Variants in TPX2 observed in about 807,000 individuals in gnomAD.
The protein encoded by TPX2 is TPX2 microtubule nucleation factor, also known as targeting protein for Xklp2.
A neutral mutation model predicts 93.6 loss-of-function variants in TPX2; 21 were observed. The observed-to-expected ratio is 0.22, with a 90% CI of 0.16 to 0.32. The LOEUF (loss-of-function observed/expected upper bound fraction) is 0.32. Among genes scored for constraint, TPX2 ranks in the 10% least tolerant of loss-of-function variants. TPX2 has a pLI of 1.00. For synonymous variants in TPX2, 281 were observed against 298.3 expected, an observed-to-expected ratio of 0.94 and a Z score of 0.60; for missense variants, 776 against 871.1, an observed-to-expected ratio of 0.89 and a Z score of 1.37.
At chr20:31,779,877 CTAATG>C (rs2062022640) in intron 10 of TPX2, among the ~76,000 whole-genome samples, 1 of 152,010 alleles carries the variant, frequency 6.6e-6, no homozygotes, top group Non-Finnish European at 1.5e-5. Flanking sequence ...TGAGCGGATT[CTAATG>C]TAATAGTTTC....
intron 15 of TPX2, among the ~76,000 whole-genome samples, chr20:31,795,203 G>A (rs1486666203): frequency 6.6e-6 from 1 of 151,950 alleles, no homozygotes; most frequent in African/African-American, 2.4e-5. Flanking sequence ...GTGCGATCTC[G>A]GCTCACTGCA....
intron 6 of TPX2, among the ~76,000 whole-genome samples, chr20:31,770,733 A>T (rs1306722329): frequency 6.6e-6 from 1 of 152,190 alleles, no homozygotes; most frequent in Non-Finnish European, 1.5e-5. Context: ...ACGGCTAATA[A>T]CAAGCTGCAT....
At chr20:31,793,775 C>T in intron 13 of TPX2, 73 bp from the exon 14 acceptor site, 4 of 1,388,182 alleles carry the variant, frequency 2.9e-6, no homozygotes, top group Non-Finnish European at 3.9e-6. Context: ...AATATAATGT[C>T]TTCTGACTCC....
chr20:31,783,898 A>C lies in TPX2; in HGVS notation c.1390A>C (p.Thr464Pro), dbSNP rs745643344. 6.2e-7 allele frequency: 1 copy of C among 1,612,970 alleles called. No individual in the cohort carries two copies. Among genetic ancestry groups the C allele is most frequent in the Middle Eastern group, 1.6e-4 (1 of 6,062 alleles). ...TGAATTTCATTCCAGACCTTGCCCTACTAAGATTTTGGAAGATGTTGTGGT... is the reference window on the plus strand; with the variant it reads ...TGAATTTCATTCCAGACCTTGCCCTCCTAAGATTTTGGAAGATGTTGTGGT... ...HFEFHSRPCP[T>P]KILEDVVGVP... is the part of the protein sequence containing the mutation. Residue 464 changes from threonine (T) to proline (P), a missense_variant, in exon 12 of 18, where the codon ACT becomes CCT. Around this residue, in one of 3 missense-constraint regions of TPX2, gnomAD observed 461 missense variants for 551.2 expected, o/e 0.84. Coordinates refer to ENST00000300403, the MANE Select transcript of TPX2 (RefSeq NM_012112.5).
chr20:31,759,019 T>C (rs922750102), intron 3 of TPX2, among the ~76,000 whole-genome samples: 8 of 152,250 alleles, frequency 5.3e-5, no homozygotes, highest in African/African-American at 1.7e-4. Context: ...TTTTTTCTTT[T>C]TGTTTTTGCC....
chr20:31,789,670 T>C lies in TPX2; in HGVS notation c.1414-3065T>C, dbSNP rs971722212. On this transcript the variant is annotated intron_variant, in intron 12 of 17. Coordinates refer to ENST00000300403, the MANE Select transcript of TPX2 (RefSeq NM_012112.5). ...TGTAAACCCAATTTTCTTTTCATTA[T>C]TTCTAATCGAGCCCCTAGTTAACTT... Among the ~76,000 whole-genome samples the C allele has an allele frequency of 7.9e-5, 12 of 152,166 alleles. 1 individual carries two copies. Among genetic ancestry groups the C allele is most frequent in the Non-Finnish European group, 1.5e-5 (1 of 68,024 alleles).
intron 4 of TPX2, among the ~76,000 whole-genome samples, chr20:31,762,831 A>C (rs750021253): frequency 6.6e-6 from 1 of 152,064 alleles, no homozygotes; most frequent in Non-Finnish European, 1.5e-5. Context: ...TTTAGAGATG[A>C]GGTCTTACTC....
rs1004408343 is a variant in TPX2 at position 31,794,539 on chromosome 20, G to C, written c.1824G>C (p.Trp608Cys). The change falls in exon 15 of 18, where the codon TGG becomes TGC. Residue 608 changes from tryptophan (W) to cysteine (C), a missense_variant. By Grantham distance (215) the Trp-to-Cys change is radical. Transcript: ENST00000300403. ...GAGGTGCTCTGAAGGCACAGACTTG[G>C]AAGCACCAGGTAGGGGATGGGGAGA... ...DRRGALKAQT[W>C]KHQLEEELRQ... is the part of the protein sequence containing the mutation. The C allele has an allele frequency of 1.1e-5, 18 of 1,613,858 alleles. No individual in the cohort carries two copies. The highest frequency in any genetic ancestry group is 2.7e-5 in the African/African-American group (2 of 74,992).
At chr20:31,777,075 TCTC>T (rs1448206491) in intron 8 of TPX2, among the ~76,000 whole-genome samples, 1 of 152,174 alleles carries the variant, frequency 6.6e-6, no homozygotes, top group Non-Finnish European at 1.5e-5. Context: ...ACTATAAAGT[TCTC>T]CTTACTGGAT....
intron 16 of TPX2, 101 bp from the exon 17 acceptor site, chr20:31,798,264 T>C (rs2062150114): frequency 7.0e-7 from 1 of 1,422,398 alleles, no homozygotes; most frequent in African/African-American, 1.4e-5. Flanking sequence ...AGCACAGTCT[T>C]CCTGTTAGTG....
chr20:31,797,307 A>G (rs1176360118), intron 15 of TPX2, 97 bp from the exon 16 acceptor site: 5 of 1,049,566 alleles, frequency 4.8e-6, no homozygotes, highest in Non-Finnish European at 7.1e-6. Context: ...TGCTATTTTT[A>G]TTGATGAAGC....
At chr20:31,797,316 G>C (rs1480144138) in intron 15 of TPX2, 88 bp from the exon 16 acceptor site, 2 of 1,131,856 alleles carry the variant, frequency 1.8e-6, no homozygotes, top group African/African-American at 1.6e-5. Flanking sequence ...TATTGATGAA[G>C]CAGTTCAGAC....
intron 2 of TPX2, among the ~76,000 whole-genome samples, chr20:31,747,489 G>T (rs541959463): frequency 6.6e-6 from 1 of 151,822 alleles, no homozygotes; most frequent in African/African-American, 2.4e-5. Context: ...TATCGTTTTA[G>T]TCTTCGCTTT....
chr20:31,776,341 A>T (rs1220139449), intron 8 of TPX2, among the ~76,000 whole-genome samples: 1 of 151,348 alleles, frequency 6.6e-6, no homozygotes. Flanking sequence ...CGGCCTCCCA[A>T]AGTGCTGGGA....
chr20:31,783,555 G>T, intron 11 of TPX2, 150 bp from the exon 12 acceptor site: 1 of 794,402 alleles, frequency 1.3e-6, no homozygotes, highest in South Asian at 2.0e-5. Context: ...CTGGCCCATT[G>T]TTTTTCGTTT....
At chr20:31,770,636 CTG>C (rs1316060630) in intron 6 of TPX2, among the ~76,000 whole-genome samples, 165 bp downstream of exon 6, 1 of 152,206 alleles carries the variant, frequency 6.6e-6, no homozygotes, top group East Asian at 1.9e-4. Context: ...ATGCCTAAAA[CTG>C]TGACCATGGT....
At chr20:31,761,754 T>C (rs1449825231) in intron 4 of TPX2, among the ~76,000 whole-genome samples, 1 of 152,186 alleles carries the variant, frequency 6.6e-6, no homozygotes, top group Non-Finnish European at 1.5e-5. Context: ...GATTTCCTTC[T>C]TTTTGGATAT....
chr20:31,766,794 A>AAT, intron 5 of TPX2, 112 bp downstream of exon 5: 8 of 795,766 alleles, frequency 1.0e-5, no homozygotes, highest in Non-Finnish European at 1.3e-5. Context: ...CCTTTATGTT[A>AAT]CTTTTTTTTT....
chr20:31,743,356 G>A (rs1448530855), intron 2 of TPX2, among the ~76,000 whole-genome samples: 1 of 152,060 alleles, frequency 6.6e-6, no homozygotes, highest in Admixed American at 6.6e-5. Flanking sequence ...TATGTAAATA[G>A]TTGTTATACT....
Sources: gnomAD v4.1 joint callset for allele counts (sites outside exome capture counted in the v4.1 genomes callset) on GRCh38, gnomAD v4.1.1 for gene constraint, gnomAD v4.1.1 regional missense constraint, MANE v1.5 for transcripts, NCBI Gene and HGNC (gene_info 2026-07-23, HGNC 2026-07-21) for gene names.